Variants in OXNAD1 observed in about 807,000 individuals in gnomAD.
OXNAD1 encodes the protein oxidoreductase NAD-binding domain-containing protein 1.
In OXNAD1, 34 loss-of-function variants were observed where a neutral mutation model predicts 32.9. That is an observed-to-expected ratio of 1.03 (90% CI 0.79 to 1.38). The LOEUF is 1.38. Among genes scored for constraint, OXNAD1 ranks in the 40% most tolerant of loss-of-function variants. The pLI is 0.00. For synonymous variants in OXNAD1, 134 were observed against 135.2 expected (o/e 0.99, Z 0.06); for missense variants, 407 against 379.4 (o/e 1.07, Z -0.60).
chr3:16,307,953 GA>G (rs2067685836), downstream of OXNAD1, among the ~76,000 whole-genome samples: 1 of 152,122 alleles, frequency 6.6e-6, no homozygotes, highest in African/African-American at 2.4e-5. Flanking sequence ...CTGATTGTAT[GA>G]AAAACCATGG....
intron 9 of OXNAD1, among the ~76,000 whole-genome samples, chr3:16,311,571 G>T (rs908545686): frequency 2.0e-5 from 3 of 152,170 alleles, no homozygotes; most frequent in African/African-American, 7.2e-5. Flanking sequence ...ATTACTCTGA[G>T]GAAATGCCTT....
chr3:16,266,759 A>G (rs1003798327), intron 1 of OXNAD1, among the ~76,000 whole-genome samples: 1 of 152,178 alleles, frequency 6.6e-6, no homozygotes, highest in African/African-American at 2.4e-5. Context: ...AGAAGGGGTC[A>G]ATGTATTAGG....
chr3:16,332,336 T>A (rs1256860519), intron 9 of OXNAD1, among the ~76,000 whole-genome samples: 1 of 79,142 alleles, frequency 1.3e-5, no homozygotes, highest in Non-Finnish European at 2.8e-5. Context: ...CTTCATTTTG[T>A]CTTCCAACTT....
rs2067291458 is a variant in OXNAD1, at chr3:16,302,897, ATATT to A, written c.784+152_784+155del. 2.9e-6 allele frequency: 2 copies of A among 685,260 alleles called. No homozygotes were observed. Among genetic ancestry groups the A allele is most frequent in the African/African-American group, 3.7e-5 (2 of 54,752 alleles). 42.4% of individuals were successfully genotyped at this position (685,260 alleles called of 1,614,324 possible). A position where few individuals can be genotyped will look rare whatever the true frequency, so the allele number is the denominator to read the frequency against. On this transcript the variant is annotated intron_variant, in intron 8 of 8. Coordinates refer to ENST00000285083, the MANE Select transcript of OXNAD1 (RefSeq NM_138381.5). The surrounding 1 kb of genome is among the most constrained non-coding windows in gnomAD (Gnocchi z 4.2). ...GGGATGATTCCTCATGGAAAAATGG[ATATT>A]TAGTTGGGTTTACTCATTATATACA...
chr3:16,316,844 G>T lies in OXNAD1; in HGVS notation c.*30+13252G>T, dbSNP rs567063624. 3.6e-5 allele frequency: 58 copies of T among 1,613,984 alleles called. 1 individual carries two copies. In the South Asian group the frequency reaches 5.6e-4, roughly 16 times the overall value. ...GCCCAAGACTCAGTTTTCTTCAACC[G>T]TACCAAGCTCTCTGACTTCCTCAGC... is the stretch of plus-strand genomic sequence containing the variant. On this transcript the variant is annotated intron_variant, in intron 9 of 9. Coordinates refer to the OXNAD1 transcript ENST00000435829. This position sits in a 1 kb window ranked among gnomAD's most constrained non-coding sequence, Gnocchi z 4.5.
In OXNAD1 at chr3:16,290,854, C is replaced by A. The variant is rs1033430176; in HGVS notation, c.291-4002C>A. Among the ~76,000 whole-genome samples the A allele has an allele frequency of 6.6e-6, 1 of 152,058 alleles. No homozygotes were observed. Among genetic ancestry groups the A allele is most frequent in the Non-Finnish European group, 1.5e-5 (1 of 68,018 alleles). On this transcript the variant is annotated intron_variant, in intron 5 of 8. Coordinates refer to ENST00000285083, the MANE Select transcript of OXNAD1 (RefSeq NM_138381.5). The surrounding 1 kb of genome is among the most constrained non-coding windows in gnomAD (Gnocchi z 4.2). ...GGTCATAGATCAGATTAGAGAACAT[C>A]TTTTGCTTTTCTTTTAGGCCTGTAT...
At chr3:16,269,381 C>A in intron 2 of OXNAD1, 106 bp downstream of exon 2, 1 of 1,233,286 alleles carries the variant, frequency 8.1e-7, no homozygotes, top group Non-Finnish European at 1.1e-6. Flanking sequence ...TTGAAGAGGC[C>A]TTCTGCTTTT....
At chr3:16,350,679 G>A (rs1171673021), downstream of OXNAD1, among the ~76,000 whole-genome samples, 1 of 152,160 alleles carries the variant, frequency 6.6e-6, no homozygotes, top group African/African-American at 2.4e-5. Context: ...TTGCTTTGCA[G>A]TGGGAAAGGA....
rs1054943446 is a variant in OXNAD1, at chr3:16,348,669, G to A, written c.*31-507G>A. Among the ~76,000 whole-genome samples, 2 of 152,160 alleles carry A rather than the reference G, an allele frequency of 1.3e-5. No individual in the cohort carries two copies. The highest frequency in any genetic ancestry group is 3.2e-3 in the Middle Eastern group (1 of 316). Reference sequence around the variant, plus strand: ...AATGCCCCTTTGCATCCTTGTTCCTGGGCATCAAAAAGTAGTCACTCTCTT... The same window carrying A: ...AATGCCCCTTTGCATCCTTGTTCCTAGGCATCAAAAAGTAGTCACTCTCTT... On this transcript the variant is annotated intron_variant, in intron 9 of 9. Coordinates refer to the OXNAD1 transcript ENST00000606098. This position sits in a 1 kb window ranked among gnomAD's most constrained non-coding sequence, Gnocchi z 6.3.
At chr3:16,307,947 T>C (rs1159867491), downstream of OXNAD1, among the ~76,000 whole-genome samples, 1 of 152,180 alleles carries the variant, frequency 6.6e-6, no homozygotes, top group African/African-American at 2.4e-5. Context: ...AACAGCCTGA[T>C]TGTATGAAAA....
In OXNAD1 at chr3:16,271,816, C is replaced by G; in HGVS notation, c.183+94C>G. 9.6e-7 allele frequency: 1 copy of G among 1,041,068 alleles called. No individual in the cohort carries two copies. The highest frequency in any genetic ancestry group is 2.1e-4 in the Middle Eastern group (1 of 4,724). 64.5% of individuals were successfully genotyped at this position (1,041,068 alleles called of 1,614,324 possible). On this transcript the variant is annotated intron_variant, in intron 4 of 8. Coordinates refer to ENST00000285083, the MANE Select transcript of OXNAD1 (RefSeq NM_138381.5). The surrounding 1 kb of genome is among the most constrained non-coding windows in gnomAD (Gnocchi z 4.6). ...GGGTAAAGCATTAGATGAGTCTGGT[C>G]CTTTTGAAGGAGAGTTGGGAAGTTT...
intron 9 of OXNAD1, among the ~76,000 whole-genome samples, chr3:16,318,818 C>G (rs1257421431): frequency 1.3e-5 from 2 of 152,178 alleles, no homozygotes; most frequent in East Asian, 3.8e-4. Context: ...ATGTCTCGTA[C>G]TGTAGCTGAC....
At chr3:16,276,821 G>A (rs2065363316) in intron 4 of OXNAD1, among the ~76,000 whole-genome samples, 1 of 152,026 alleles carries the variant, frequency 6.6e-6, no homozygotes, top group African/African-American at 2.4e-5. Context: ...GAGAATTTTA[G>A]TGCCCACAAG....
At chr3:16,318,475 C>T (rs1455943435) in intron 9 of OXNAD1, among the ~76,000 whole-genome samples, 2 of 152,058 alleles carry the variant, frequency 1.3e-5, no homozygotes, top group South Asian at 2.1e-4. Context: ...TCATTCTGAG[C>T]GCTTTGCTAG....
At position 16,298,787 on chromosome 3, in the gene OXNAD1, G is replaced by A. The variant is rs927841066; in HGVS notation, c.433-2839G>A. ...GCTCAGCTCCAGTTGCTGTGGAAAG[G>A]TTGTTTATTTCACAAGTAGAAAATC... is the stretch of plus-strand genomic sequence containing the variant. On this transcript the variant is annotated intron_variant, in intron 6 of 8. Transcript: ENST00000285083. The surrounding 1 kb of genome is among the most constrained non-coding windows in gnomAD (Gnocchi z 5.1). 1.7e-4 allele frequency among the ~76,000 whole-genome samples: 26 copies of A among 152,174 alleles called. No individual in the cohort carries two copies. The highest frequency in any genetic ancestry group is 5.8e-4 in the African/African-American group (24 of 41,438).
At position 16,289,155 on chromosome 3, in the gene OXNAD1, G is replaced by A. The variant is rs951889277; in HGVS notation, c.290+2707G>A. ...TGTTAACTTCATTTGTTTGATTTTAGCTTTTGTTATTGCTAATAAGTATTT... is the reference window on the plus strand; with the variant it reads ...TGTTAACTTCATTTGTTTGATTTTAACTTTTGTTATTGCTAATAAGTATTT... On this transcript the variant is annotated intron_variant, in intron 5 of 8. Transcript: ENST00000285083. The surrounding 1 kb of genome is among the most constrained non-coding windows in gnomAD (Gnocchi z 4.9). Among the ~76,000 whole-genome samples the A allele has an allele frequency of 2.6e-5, 4 of 152,178 alleles. No homozygotes were observed. The highest frequency in any genetic ancestry group is 9.7e-5 in the African/African-American group (4 of 41,444).
At position 16,348,671 on chromosome 3, in the gene OXNAD1, G is replaced by A. The variant is rs2071895391; in HGVS notation, c.*31-505G>A. ...TGCCCCTTTGCATCCTTGTTCCTGG[G>A]CATCAAAAAGTAGTCACTCTCTTTG... On this transcript the variant is annotated intron_variant, in intron 9 of 9. Coordinates refer to the OXNAD1 transcript ENST00000606098. The surrounding 1 kb of genome is among the most constrained non-coding windows in gnomAD (Gnocchi z 6.3). 6.6e-6 allele frequency among the ~76,000 whole-genome samples: 1 copy of A among 152,180 alleles called. No homozygotes were observed. Among genetic ancestry groups the A allele is most frequent in the South Asian group, 2.1e-4 (1 of 4,834 alleles).
At chr3:16,276,405 A>G (rs2065324190) in intron 4 of OXNAD1, 1 of 200,758 alleles carries the variant, frequency 5.0e-6, no homozygotes, top group Non-Finnish European at 1.0e-5. Flanking sequence ...AAGTTGTTGG[A>G]ACTGTACTTT....
rs1485873912 is a variant in OXNAD1, at chr3:16,348,161, C to G, written c.*31-1015C>G. 6.6e-6 allele frequency: 1 copy of G among 152,066 alleles called. No individual in the cohort carries two copies. Among genetic ancestry groups the G allele is most frequent in the East Asian group, 1.9e-4 (1 of 5,194 alleles). 9.4% of individuals were successfully genotyped at this position (152,066 alleles called of 1,614,324 possible). ...CTCTTGTTGCTTAAAGCAGGGCAGG[C>G]TCCTGGAGCTCAGGAGCAGGGCTTT... On this transcript the variant is annotated intron_variant, in intron 9 of 9. Transcript: ENST00000606098. This position sits in a 1 kb window ranked among gnomAD's most constrained non-coding sequence, Gnocchi z 6.3.
Sources: allele counts gnomAD v4.1 joint callset (sites outside exome capture counted in the v4.1 genomes callset), GRCh38; gene constraint gnomAD v4.1.1; non-coding constraint Gnocchi (gnomAD v3.1); transcripts MANE v1.5; gene names NCBI Gene and HGNC (gene_info 2026-07-23, HGNC 2026-07-21).